Variants in KAZN observed in about 807,000 individuals in gnomAD.
KAZN encodes the protein kazrin.
A neutral mutation model predicts 87.4 loss-of-function variants in KAZN; 40 were observed. The ratio of observed to expected loss-of-function variants is 0.46; its 90% CI spans 0.36 to 0.60. The LOEUF is 0.60. Among genes scored for constraint, KAZN ranks in the 20% least tolerant of loss-of-function variants. The pLI, the probability that KAZN is intolerant of heterozygous loss-of-function variation, is 0.00. For synonymous variants in KAZN, 466 were observed against 458.3 expected, an observed-to-expected ratio of 1.02 and a Z score of -0.22; for missense variants, 898 against 1,073.9, an observed-to-expected ratio of 0.84 and a Z score of 2.29.
At chr1:14,883,618 T>C (rs1653728021) in intron 1 of KAZN, among the ~76,000 whole-genome samples, 1 of 151,850 alleles carries the variant, frequency 6.6e-6, no homozygotes, top group South Asian at 2.1e-4. Flanking sequence ...GCAGAACTTA[T>C]TAGAATAATG....
intron 8 of KAZN, among the ~76,000 whole-genome samples, chr1:15,079,945 A>G (rs979270586): frequency 5.9e-5 from 9 of 152,210 alleles, no homozygotes; most frequent in Admixed American, 4.6e-4. Context: ...TTGGATAACT[A>G]TGTGTTTGTC....
rs74497613 is a variant in KAZN, at chr1:14,769,864, A to G, written c.226+170641A>G. ...GTAGATGTTGACGAAGTAACTGAGT[A>G]TTCTGGGTTTGGGACCGGGCTATAG... On this transcript the variant is annotated intron_variant, in intron 1 of 14. Transcript: ENST00000376030. The surrounding 1 kb of genome is among the most constrained non-coding windows in gnomAD (Gnocchi z 4.1). 0.056 allele frequency among the ~76,000 whole-genome samples: 8,592 copies of G among 152,294 alleles called. 322 individuals carry two copies. The highest frequency in any genetic ancestry group is 0.1 in the African/African-American group (4,151 of 41,548).
At chr1:14,989,972 A>C (rs1485923830) in intron 2 of KAZN, among the ~76,000 whole-genome samples, 3 of 151,984 alleles carry the variant, frequency 2.0e-5, no homozygotes, top group African/African-American at 7.3e-5. Context: ...GGGTGTGCAC[A>C]CTCTGTCTTG....
chr1:14,393,912 G>GT (rs368186840), intron 2 of KAZN, among the ~76,000 whole-genome samples: 3 of 149,634 alleles, frequency 2.0e-5, no homozygotes, highest in African/African-American at 4.9e-5. Flanking sequence ...AAATGTGTGT[G>GT]TTTTTTTAAT....
At chr1:14,367,254 G>A (rs553175028) in intron 2 of KAZN, among the ~76,000 whole-genome samples, 8 of 152,144 alleles carry the variant, frequency 5.3e-5, no homozygotes, top group South Asian at 2.1e-4. Flanking sequence ...GGCTCTCAGC[G>A]GGAAAGGAAG....
chr1:14,619,628 C>G (rs992763792), intron 1 of KAZN, among the ~76,000 whole-genome samples: 2 of 152,236 alleles, frequency 1.3e-5, no homozygotes, highest in Non-Finnish European at 2.9e-5. Context: ...GTGCCACTAT[C>G]TAGTTCCAGA....
intron 2 of KAZN, among the ~76,000 whole-genome samples, chr1:14,183,536 C>G (rs1211596105): frequency 6.6e-6 from 1 of 152,024 alleles, no homozygotes; most frequent in African/African-American, 2.4e-5. Flanking sequence ...TCCTGAGAGC[C>G]CTGTCTAAAC....
chr1:14,967,830 T>A (rs887294691), intron 2 of KAZN, among the ~76,000 whole-genome samples: 5 of 152,194 alleles, frequency 3.3e-5, no homozygotes, highest in African/African-American at 1.2e-4. Context: ...ACACCAGGGT[T>A]TTAGCCCGGT....
chr1:14,110,498 A>G (rs1362935095), intron 1 of KAZN, among the ~76,000 whole-genome samples: 2 of 152,206 alleles, frequency 1.3e-5, no homozygotes, highest in Non-Finnish European at 2.9e-5. Flanking sequence ...CAACAGTGCT[A>G]TGGTTTAGGC....
At chr1:14,199,935 C>T (rs1646604750) in intron 2 of KAZN, among the ~76,000 whole-genome samples, 1 of 151,910 alleles carries the variant, frequency 6.6e-6, no homozygotes, top group Non-Finnish European at 1.5e-5. Flanking sequence ...TCTGCTTGGC[C>T]TTACTCTTAG....
intron 1 of KAZN, among the ~76,000 whole-genome samples, chr1:14,109,471 G>A (rs1644451157): frequency 1.3e-5 from 2 of 152,070 alleles, no homozygotes; most frequent in South Asian, 4.1e-4. Flanking sequence ...TGTCTACTCT[G>A]AGTTCCTTAG....
At chr1:14,782,554 C>CAAAA (rs71572122) in intron 1 of KAZN, among the ~76,000 whole-genome samples, 860 of 66,152 alleles carry the variant, frequency 0.013, no homozygotes, top group Non-Finnish European at 0.017. Flanking sequence ...CCTCAAAGAG[C>CAAAA]AAAAAAAAAA....
intron 2 of KAZN, among the ~76,000 whole-genome samples, chr1:14,351,285 G>A (rs1222253757): frequency 2.0e-5 from 3 of 152,176 alleles, no homozygotes; most frequent in Non-Finnish European, 4.4e-5. Context: ...TAATAATCAG[G>A]CCAGGCACTG....
In KAZN at chr1:14,000,943, C is replaced by T. The variant is rs111268372; in HGVS notation, c.91+107187C>T. 1.6e-3 allele frequency among the ~76,000 whole-genome samples: 243 copies of T among 151,864 alleles called. 1 individual carries two copies. The highest frequency in any genetic ancestry group is 6.8e-3 in the Middle Eastern group (2 of 294). Reference sequence around the variant, plus strand: ...GACTACAGGCGCCCGCCACTACGCCCGGCTAATTTTTTGTATTTTTAGTAG... The same window carrying T: ...GACTACAGGCGCCCGCCACTACGCCTGGCTAATTTTTTGTATTTTTAGTAG... On this transcript the variant is annotated intron_variant, in intron 1 of 16. Transcript: ENST00000636203.
At chr1:14,701,754 G>T (rs565980930) in intron 1 of KAZN, among the ~76,000 whole-genome samples, 1 of 152,140 alleles carries the variant, frequency 6.6e-6, no homozygotes, top group Non-Finnish European at 1.5e-5. Context: ...CTGTGATTGC[G>T]CCACTGCATT....
At chr1:14,584,942 C>T (rs946189399) in intron 2 of KAZN, among the ~76,000 whole-genome samples, 4 of 152,276 alleles carry the variant, frequency 2.6e-5, no homozygotes, top group Admixed American at 2.6e-4. Flanking sequence ...TGGGACTGGC[C>T]TGAAGATAGG....
intron 2 of KAZN, among the ~76,000 whole-genome samples, chr1:14,411,059 ATAAAT>A (rs1327828511): frequency 1.3e-5 from 2 of 152,248 alleles, no homozygotes; most frequent in South Asian, 2.1e-4. Context: ...TACAGGAAAG[ATAAAT>A]TAAAATAAAT....
chr1:14,394,240 G>A (rs1557687176), intron 2 of KAZN, among the ~76,000 whole-genome samples: 1 of 152,242 alleles, frequency 6.6e-6, no homozygotes, highest in East Asian at 1.9e-4. Context: ...CCATTAAGAT[G>A]GCATGTGATC....
At chr1:14,244,897 TGTA>T (rs1426186649) in intron 2 of KAZN, among the ~76,000 whole-genome samples, 1 of 152,006 alleles carries the variant, frequency 6.6e-6, no homozygotes, top group African/African-American at 2.4e-5. Context: ...TTGAGGCAAT[TGTA>T]GTATTCTGAG....
Sources: allele counts gnomAD v4.1 joint callset (sites outside exome capture counted in the v4.1 genomes callset), GRCh38; gene constraint gnomAD v4.1.1; non-coding constraint Gnocchi (gnomAD v3.1); transcripts MANE v1.5; gene names NCBI Gene and HGNC (gene_info 2026-07-23, HGNC 2026-07-21).